MROH9: variants seen among roughly 807,000 people sequenced by gnomAD.
The protein encoded by MROH9 is maestro heat-like repeat-containing protein family member 9.
MROH9 carries 92 observed loss-of-function variants against 98.2 expected under a neutral mutation model. The observed-to-expected ratio is 0.94, with a 90% CI of 0.79 to 1.11. The LOEUF (loss-of-function observed/expected upper bound fraction) is 1.11, where lower values mean the gene tolerates loss of function less well. Ranked by LOEUF, MROH9 falls within the 50% of genes most tolerant of loss-of-function variation. The pLI is 0.00. For missense variants in MROH9, 1,057 were observed against 1,014.8 expected (o/e 1.04, Z -0.57); for synonymous variants, 397 against 368.9 (o/e 1.08, Z -0.87).
intron 20 of MROH9, among the ~76,000 whole-genome samples, chr1:171,047,472 AT>A (rs1653505353): frequency 6.6e-6 from 1 of 151,968 alleles, no homozygotes; most frequent in Non-Finnish European, 1.5e-5. Context: ...TGCTTATTGC[AT>A]TTTTCAGCTC....
intron 7 of MROH9, among the ~76,000 whole-genome samples, chr1:170,970,702 C>CTGTGTGTGTGTGTGTGTG (rs3980698): frequency 0.015 from 1,825 of 118,250 alleles, 19 homozygotes; most frequent in Middle Eastern, 0.025. Flanking sequence ...TTAGGAATTT[C>CTGTGTGTGTGTGTGTGTG]TGTGTGTGTG....
In MROH9 at chr1:171,025,329, T is replaced by C; in HGVS notation, c.2190T>C (p.His730=). 1.3e-6 allele frequency: 2 copies of C among 1,544,134 alleles called. No individual in the cohort carries two copies. The highest frequency in any genetic ancestry group is 8.8e-7 in the Non-Finnish European group (1 of 1,140,404). Residue 730 remains histidine (H), a synonymous_variant, in exon 20 of 22, where the codon CAT becomes CAC. Transcript: ENST00000367759. ...CTTTTTATTCTCAGATTATTTCTCA[T>C]AGGAACTACATTACAGATTTGACAT... ...LNICNNLIIS[H]RNYITDLTSD... is the part of the protein sequence containing the mutation.
In MROH9 at chr1:170,960,995, G is replaced by A. The variant is rs139504703; in HGVS notation, c.289-895G>A. Reference sequence around the variant, plus strand: ...TCAGCTAAAATAAGAACCAAGTCACGTCATGCTTGAGTCTTCTCCAACCTA... The same window carrying A: ...TCAGCTAAAATAAGAACCAAGTCACATCATGCTTGAGTCTTCTCCAACCTA... On this transcript the variant is annotated intron_variant, in intron 5 of 21. Transcript: ENST00000367759. Among the ~76,000 whole-genome samples the A allele has an allele frequency of 2.7e-3, 418 of 152,200 alleles. 2 individuals carry two copies. Among genetic ancestry groups the A allele is most frequent in the African/African-American group, 7.4e-3 (306 of 41,534 alleles).
At chr1:170,942,866 G>T (rs950522015) in intron 1 of MROH9, among the ~76,000 whole-genome samples, 6 of 152,096 alleles carry the variant, frequency 3.9e-5, no homozygotes, top group African/African-American at 1.4e-4. Flanking sequence ...CAAACAAGCT[G>T]CTATTGCTTG....
chr1:171,056,968 C>A (rs1261231894), intron 20 of MROH9, among the ~76,000 whole-genome samples: 1 of 152,184 alleles, frequency 6.6e-6, no homozygotes, highest in Non-Finnish European at 1.5e-5. Flanking sequence ...CAAGAGTCAG[C>A]AGCCTCAAAC....
At chr1:170,984,707 T>G (rs966188127) in intron 9 of MROH9, among the ~76,000 whole-genome samples, 2 of 152,134 alleles carry the variant, frequency 1.3e-5, no homozygotes, top group Non-Finnish European at 2.9e-5. Flanking sequence ...GTCCATCAGG[T>G]GTAAAAATCC....
At chr1:170,947,208 TTTC>T (rs1464560363) in intron 2 of MROH9, among the ~76,000 whole-genome samples, 1 of 152,026 alleles carries the variant, frequency 6.6e-6, no homozygotes, top group Non-Finnish European at 1.5e-5. Context: ...TTGTGTAGAA[TTTC>T]TTCTTTAGCA....
chr1:170,999,101 A>C (rs1462137189), intron 15 of MROH9, among the ~76,000 whole-genome samples: 1 of 152,028 alleles, frequency 6.6e-6, no homozygotes, highest in African/African-American at 2.4e-5. Flanking sequence ...TGAATTGACT[A>C]TTCTTTGCCC....
rs56361336 is a variant in MROH9 at position 170,963,135 on chromosome 1, GA to G, written c.375+1170del. 8.6e-4 allele frequency among the ~76,000 whole-genome samples: 122 copies of G among 141,958 alleles called. No individual in the cohort carries two copies. In the East Asian group the frequency reaches 0.011, roughly 13 times the overall value. 93.1% of individuals were successfully genotyped at this position (141,958 alleles called of 152,430 possible). A position where few individuals can be genotyped will look rare whatever the true frequency, so the allele number is the denominator to read the frequency against. Reference sequence around the variant, plus strand: ...ATCTATAAGGAACTTAAGTTTACAAGAAAAAAAAAAACTCCATTACAAAGTG... The same window carrying G: ...ATCTATAAGGAACTTAAGTTTACAAGAAAAAAAAAACTCCATTACAAAGTG... On this transcript the variant is annotated intron_variant, in intron 6 of 21. Transcript: ENST00000367759.
chr1:170,959,905 T>C (rs543903045), intron 5 of MROH9, among the ~76,000 whole-genome samples: 6 of 152,332 alleles, frequency 3.9e-5, no homozygotes, highest in African/African-American at 1.4e-4. Flanking sequence ...AAGATGGAAG[T>C]AGAAAGAATC....
chr1:171,043,617 G>A (rs1653375157), intron 20 of MROH9, among the ~76,000 whole-genome samples: 1 of 151,054 alleles, frequency 6.6e-6, no homozygotes, highest in African/African-American at 2.4e-5. Flanking sequence ...CCATGAACTT[G>A]GAATTTTTTT....
Position 170,984,911 on chromosome 1 carries a change from T to C in MROH9, c.729+1377T>C, listed in dbSNP as rs140251157. Among the ~76,000 whole-genome samples the C allele has an allele frequency of 3.4e-3, 511 of 152,194 alleles. 7 individuals carry two copies. The highest frequency in any genetic ancestry group is 0.011 in the African/African-American group (469 of 41,530). The stretch of plus-strand genomic sequence containing the variant: ...TGTAGAAACAAGACCAAGAGGCCTA[T>C]AGCCAAAGACAAAGTTCAAAGCATG... On this transcript the variant is annotated intron_variant, in intron 9 of 21. Coordinates refer to ENST00000367759, the MANE Select transcript of MROH9 (RefSeq NM_001163629.2).
intron 17 of MROH9, among the ~76,000 whole-genome samples, chr1:171,016,989 A>T (rs906584621): frequency 6.6e-6 from 1 of 152,260 alleles, no homozygotes. Context: ...ACAATAAATT[A>T]TCTTGCCAAA....
intron 9 of MROH9, among the ~76,000 whole-genome samples, chr1:170,984,794 G>C (rs1182158910): frequency 1.3e-5 from 2 of 152,168 alleles, no homozygotes; most frequent in Non-Finnish European, 2.9e-5. Flanking sequence ...ACCAAAGCAA[G>C]CCCAGCACTA....
chr1:170,945,817 GC>G (rs548230022), intron 2 of MROH9, among the ~76,000 whole-genome samples: 161 of 152,068 alleles, frequency 1.1e-3, no homozygotes, highest in African/African-American at 3.7e-3. Flanking sequence ...TGATTACAAT[GC>G]AAAAAATTAG....
Position 170,938,285 on chromosome 1 carries a change from C to T in MROH9, c.-38+2698C>T, listed in dbSNP as rs79919429. ...ATCTCTAAGCCAGCAGAGCATAATG[C>T]CACAAGAACAGGAAGCTAGTGGGAC... On this transcript the variant is annotated intron_variant, in intron 1 of 21. Transcript: ENST00000367759. Among the ~76,000 whole-genome samples, 1,236 of 152,260 alleles carry T rather than the reference C, an allele frequency of 8.1e-3. 20 individuals carry two copies. Among genetic ancestry groups the T allele is most frequent in the African/African-American group, 0.028 (1,166 of 41,540 alleles).
intron 1 of MROH9, among the ~76,000 whole-genome samples, chr1:170,936,631 G>T (rs1648895317): frequency 6.6e-6 from 1 of 152,142 alleles, no homozygotes; most frequent in South Asian, 2.1e-4. Flanking sequence ...TTCCCACGTT[G>T]AAAATTTGGC....
intron 19 of MROH9, 31 bp from the exon 20 acceptor site, chr1:171,025,287 G>T: frequency 7.4e-7 from 1 of 1,350,668 alleles, no homozygotes; most frequent in Non-Finnish European, 1.0e-6. Flanking sequence ...CAGCAATCGA[G>T]TGAGGTGCTT....
At chr1:170,966,669 A>G (rs1183529491) in intron 7 of MROH9, among the ~76,000 whole-genome samples, 1 of 152,140 alleles carries the variant, frequency 6.6e-6, no homozygotes. Context: ...GACACAGTCC[A>G]GAGTGTTCTT....
Sources: gnomAD v4.1 joint callset for allele counts (sites outside exome capture counted in the v4.1 genomes callset) on GRCh38, gnomAD v4.1.1 for gene constraint, MANE v1.5 for transcripts, NCBI Gene and HGNC (gene_info 2026-07-23, HGNC 2026-07-21) for gene names.